The following SYT1 variants were observed in gnomAD, a reference collection of about 807,000 sequenced individuals.
SYT1 encodes the protein synaptotagmin 1.
A neutral mutation model predicts 44.8 loss-of-function variants in SYT1; 8 were observed. The observed-to-expected ratio is 0.18, with a 90% CI of 0.10 to 0.32. The LOEUF is 0.32. Ranked by LOEUF, SYT1 falls within the 10% of genes least tolerant of loss-of-function variation. SYT1 has a pLI of 1.00. For missense variants in SYT1, 286 were observed against 509.3 expected, an observed-to-expected ratio of 0.56 and a Z score of 4.22; for synonymous variants, 154 against 188.8, an observed-to-expected ratio of 0.82 and a Z score of 1.51.
At chr12:79,054,259 A>C (rs1874761908) in intron 3 of SYT1, among the ~76,000 whole-genome samples, 1 of 152,132 alleles carries the variant, frequency 6.6e-6, no homozygotes, top group Non-Finnish European at 1.5e-5. Flanking sequence ...TCCTATATGA[A>C]TGTCTATGCA....
chr12:78,962,762 C>T (rs1157426723), intron 1 of SYT1, among the ~76,000 whole-genome samples: 1 of 151,534 alleles, frequency 6.6e-6, no homozygotes, highest in Non-Finnish European at 1.5e-5. Flanking sequence ...TCTTTGTTTC[C>T]CTGAAATCTA....
chr12:79,326,468 A>G (rs115591533), intron 8 of SYT1, among the ~76,000 whole-genome samples: 1,652 of 152,344 alleles, frequency 0.011, 26 homozygotes, highest in African/African-American at 0.036. Context: ...TTGTCAGTGC[A>G]GGCAAAGAGG....
chr12:79,179,457 A>G (rs1173353557), intron 3 of SYT1, among the ~76,000 whole-genome samples: 2 of 964 alleles, frequency 2.1e-3, no homozygotes, highest in African/African-American at 0.015. Flanking sequence ...TATAGATATA[A>G]TCTATATAGA....
chr12:78,961,303 C>G (rs1431649626), intron 1 of SYT1, among the ~76,000 whole-genome samples: 2 of 151,836 alleles, frequency 1.3e-5, no homozygotes, highest in Non-Finnish European at 2.9e-5. Context: ...GCGACATAAT[C>G]TTATTGTGTT....
chr12:79,067,441 T>C (rs1275617599), intron 3 of SYT1, among the ~76,000 whole-genome samples: 2 of 152,176 alleles, frequency 1.3e-5, no homozygotes, highest in Non-Finnish European at 2.9e-5. Flanking sequence ...TATATCTATA[T>C]AAATATAGTC....
Position 78,941,542 on chromosome 12 carries a change from G to C in SYT1, c.-216-36257G>C, listed in dbSNP as rs556037562. 3.9e-5 allele frequency among the ~76,000 whole-genome samples: 6 copies of C among 152,234 alleles called. No homozygotes were observed. In the East Asian group the frequency reaches 1.2e-3, roughly 29 times the overall value. ...CTGCATGCTTTGCAAAAATAGAAGA[G>C]AGCTTTTAATCAATAGTAACATTAG... On this transcript the variant is annotated intron_variant, in intron 1 of 10. Coordinates refer to ENST00000261205, the MANE Select transcript of SYT1 (RefSeq NM_005639.3).
At chr12:79,448,298 T>TA (rs1247480487) in intron 10 of SYT1, among the ~76,000 whole-genome samples, 2 of 152,126 alleles carry the variant, frequency 1.3e-5, no homozygotes, top group Non-Finnish European at 2.9e-5. Context: ...GAGAAAAAAA[T>TA]ATCTTTATTA....
intron 3 of SYT1, among the ~76,000 whole-genome samples, chr12:79,115,629 A>C (rs2138108590): frequency 1.3e-5 from 2 of 152,354 alleles, no homozygotes; most frequent in East Asian, 3.9e-4. Flanking sequence ...GCCTCTGCAC[A>C]AAAACATCTT....
At chr12:79,398,369 A>G (rs2136108685) in intron 9 of SYT1, among the ~76,000 whole-genome samples, 1 of 152,304 alleles carries the variant, frequency 6.6e-6, no homozygotes, top group South Asian at 2.1e-4. Context: ...CTGAATTATT[A>G]TGTTTAATTC....
intron 1 of SYT1, chr12:78,963,917 C>T (rs952672557): frequency 6.6e-5 from 10 of 152,204 alleles, no homozygotes; most frequent in African/African-American, 2.4e-4. Flanking sequence ...TGGAAATAAC[C>T]TAAATGTCCA....
chr12:79,318,064 A>C (rs1256658545), intron 8 of SYT1, among the ~76,000 whole-genome samples: 2 of 152,208 alleles, frequency 1.3e-5, no homozygotes, highest in Non-Finnish European at 2.9e-5. Context: ...TGGTTCCCTA[A>C]ATGTACTGCA....
At chr12:79,318,934 T>A (rs968047449) in intron 8 of SYT1, among the ~76,000 whole-genome samples, 2 of 152,194 alleles carry the variant, frequency 1.3e-5, no homozygotes, top group Non-Finnish European at 2.9e-5. Context: ...GCCTCTCAAG[T>A]CATAAACAGG....
Position 78,930,895 on chromosome 12 carries a change from G to A in SYT1, c.-216-46904G>A, listed in dbSNP as rs547557140. 2.7e-3 allele frequency among the ~76,000 whole-genome samples: 414 copies of A among 151,856 alleles called. 2 individuals are homozygous for A. Among genetic ancestry groups the A allele is most frequent in the Non-Finnish European group, 4.8e-3 (323 of 67,948 alleles). On this transcript the variant is annotated intron_variant, in intron 1 of 10. Coordinates refer to ENST00000261205, the MANE Select transcript of SYT1 (RefSeq NM_005639.3). ...TTAAAAATAATAGCTATTCCATAAG[G>A]CTGTCAGGAGGAAATAATGTGTTGC...
chr12:79,150,813 T>C (rs752587903), intron 3 of SYT1, among the ~76,000 whole-genome samples: 3 of 152,166 alleles, frequency 2.0e-5, no homozygotes, highest in Non-Finnish European at 2.9e-5. Flanking sequence ...TTCGAGCAAG[T>C]AACCCATTAC....
intron 9 of SYT1, among the ~76,000 whole-genome samples, chr12:79,431,513 A>ATTATTTAT (rs35004307): frequency 0.079 from 11,189 of 142,444 alleles, 1,009 homozygotes; most frequent in African/African-American, 0.22. Flanking sequence ...ATTTTATTTT[A>ATTATTTAT]TTATTTATTT....
rs1592917608 is a variant in SYT1, at chr12:79,271,308, A to G, written c.167-14479A>G. Among the ~76,000 whole-genome samples, 3 of 152,194 alleles carry G rather than the reference A, an allele frequency of 2.0e-5. No homozygotes were observed. In the South Asian group the frequency reaches 6.2e-4, roughly 31 times the overall value. ...GTGCCAAAACTCCCTGGAAGAAGAA[A>G]TAATGACGTTTTTCCATCCGAGAGT... On this transcript the variant is annotated intron_variant, in intron 4 of 10. Coordinates refer to ENST00000261205, the MANE Select transcript of SYT1 (RefSeq NM_005639.3).
chr12:79,166,605 G>A (rs1871236245), intron 3 of SYT1, among the ~76,000 whole-genome samples: 2 of 151,866 alleles, frequency 1.3e-5, no homozygotes, highest in Admixed American at 6.6e-5. Flanking sequence ...TGGTTCAATA[G>A]CATCACAAAT....
intron 3 of SYT1, among the ~76,000 whole-genome samples, chr12:79,073,789 G>A (rs933020665): frequency 6.6e-6 from 1 of 152,058 alleles, no homozygotes; most frequent in African/African-American, 2.4e-5. Context: ...GCTCACCTCT[G>A]TCTACCTGAC....
intron 9 of SYT1, among the ~76,000 whole-genome samples, chr12:79,439,333 C>T: frequency 6.6e-6 from 1 of 152,212 alleles, no homozygotes; most frequent in Non-Finnish European, 1.5e-5. Context: ...AGTTTCCCAT[C>T]TCACGCTGCG....
Sources: allele counts gnomAD v4.1 joint callset (sites outside exome capture counted in the v4.1 genomes callset), GRCh38; gene constraint gnomAD v4.1.1; transcripts MANE v1.5; gene names NCBI Gene and HGNC (gene_info 2026-07-23, HGNC 2026-07-21).